INTS6: variants seen among roughly 807,000 people sequenced by gnomAD.
INTS6 encodes integrator complex subunit 6, also known as DEAD box protein.
In INTS6, 16 loss-of-function variants were observed where a neutral mutation model predicts 104.9. The observed-to-expected ratio is 0.15, with a 90% CI of 0.10 to 0.23. INTS6 has a LOEUF of 0.23. Ranked by LOEUF, INTS6 falls within the 10% of genes least tolerant of loss-of-function variation. INTS6 has a pLI of 1.00. For synonymous variants in INTS6, 324 were observed against 358.7 expected (o/e 0.90, Z 1.09); for missense variants, 584 against 1,062.8 (o/e 0.55, Z 6.26).
chr13:51,345,562 T>TG, the INTS6 span, among the ~76,000 whole-genome samples: 1,629 of 121,602 alleles, frequency 0.013, 23 homozygotes, highest in East Asian at 0.086. Flanking sequence ...GTCACTGCAC[T>TG]CCAGCTTGGG....
chr13:51,335,686 G>C, the INTS6 span: 1 of 152,164 alleles, frequency 6.6e-6, no homozygotes, highest in Non-Finnish European at 1.5e-5. Flanking sequence ...AGTTAAAGGC[G>C]ACCTGGATGT....
chr13:51,433,168 G>T (rs1307920267), intron 3 of INTS6, among the ~76,000 whole-genome samples: 3 of 152,316 alleles, frequency 2.0e-5, no homozygotes, highest in Admixed American at 2.0e-4. Flanking sequence ...ATCAGGCTGG[G>T]AGTGGTGGCT....
chr13:51,375,742 T>G (rs761473982), intron 13 of INTS6, among the ~76,000 whole-genome samples: 20 of 146,922 alleles, frequency 1.4e-4, no homozygotes, highest in Non-Finnish European at 2.8e-4. Context: ...TGGGTGTGTG[T>G]GTGTGTGTGT....
rs1955618894 is a variant in INTS6 at position 51,363,288 on chromosome 13, A to C, written c.*2464T>G. 2 of 151,966 alleles carry C rather than the reference A, an allele frequency of 1.3e-5. No individual in the cohort carries two copies. The highest frequency in any genetic ancestry group is 1.3e-4 in the Admixed American group (2 of 15,232). The allele number at this position is 151,966 out of a possible 1,614,324, so 9.4% of individuals were successfully genotyped here. On this transcript the variant is annotated 3_prime_UTR_variant, in exon 18 of 18. Coordinates refer to ENST00000311234, the MANE Select transcript of INTS6 (RefSeq NM_012141.3). ...CAGAATGAAAATATAAGGATAATCC[A>C]AAACCAGTTCCACAATCCACTGGAA...
chr13:51,384,362 C>T, intron 7 of INTS6: 2 of 238,382 alleles, frequency 8.4e-6, no homozygotes. Flanking sequence ...GCATGTTACT[C>T]CCCAATCTAC....
chr13:51,412,883 T>C (rs549934582), intron 4 of INTS6, among the ~76,000 whole-genome samples: 258 of 152,300 alleles, frequency 1.7e-3, no homozygotes, highest in Admixed American at 2.4e-3. Context: ...GTAATTAAAG[T>C]TATTGACTTG....
chr13:51,392,001 T>C (rs1460836326), intron 5 of INTS6, among the ~76,000 whole-genome samples: 2 of 152,172 alleles, frequency 1.3e-5, no homozygotes, highest in East Asian at 3.8e-4. Context: ...AACTGAATCA[T>C]CTGGGAACCA....
rs1953084209 is a variant in INTS6, at chr13:51,452,507, G to C, written c.19C>G (p.Leu7Val). 4 of 1,611,414 alleles carry C rather than the reference G, an allele frequency of 2.5e-6. No homozygotes were observed. Among genetic ancestry groups the C allele is most frequent in the Non-Finnish European group, 3.4e-6 (4 of 1,178,434 alleles). The change falls in exon 1 of 18, where the codon CTG (leucine) becomes GTG (valine). Residue 7 changes from leucine (L) to valine (V), a missense_variant. By Grantham distance (32) the Leu-to-Val change is conservative (BLOSUM62 1). Around this residue, in one of 5 missense-constraint regions of INTS6, gnomAD observed 70 missense variants for 190.3 expected, o/e 0.37. Coordinates refer to ENST00000311234, the MANE Select transcript of INTS6 (RefSeq NM_012141.3). The surrounding 1 kb of genome is among the most constrained non-coding windows in gnomAD (Gnocchi z 4.2). MPILLF[L>V]IDTSASMNQR... ...TTCATAGAGGCAGACGTGTCTATCA[G>C]GAACAGTAAGATGGGCATAGTGCTG...
At position 51,365,940 on chromosome 13, in the gene INTS6, G is replaced by C. The variant is rs187859154; in HGVS notation, c.2571-95C>G. On this transcript the variant is annotated intron_variant, in intron 17 of 17. Coordinates refer to ENST00000311234, the MANE Select transcript of INTS6 (RefSeq NM_012141.3). ...AAGAAAGGAGAGAAAATTTTGGGAA[G>C]ATTTTTCAAAGTGAAATGAAAATAG... The C allele has an allele frequency of 6.0e-5, 37 of 615,426 alleles. No individual in the cohort carries two copies. In the Admixed American group the frequency reaches 8.4e-4, roughly 14 times the overall value. 38.1% of individuals were successfully genotyped at this position (615,426 alleles called of 1,614,324 possible).
intron 15 of INTS6, among the ~76,000 whole-genome samples, chr13:51,370,020 T>C (rs894205719): frequency 3.9e-5 from 6 of 152,180 alleles, no homozygotes; most frequent in Non-Finnish European, 7.3e-5. Flanking sequence ...GGATCCCAGC[T>C]GAATTCATCT....
chr13:51,451,344 G>C (rs1399472108), intron 2 of INTS6, 170 bp from the exon 3 acceptor site: 2 of 428,224 alleles, frequency 4.7e-6, no homozygotes, highest in Non-Finnish European at 8.0e-6. Context: ...AGGTGGCCCA[G>C]GAATAACCCA....
intron 3 of INTS6, chr13:51,442,488 G>T (rs1952816834): frequency 6.6e-6 from 1 of 152,118 alleles, no homozygotes; most frequent in South Asian, 2.1e-4. Context: ...AAGGGTTCTG[G>T]GTTCTCAGTA....
chr13:51,407,087 A>T (rs1956583683), intron 4 of INTS6, among the ~76,000 whole-genome samples: 1 of 152,038 alleles, frequency 6.6e-6, no homozygotes, highest in African/African-American at 2.4e-5. Flanking sequence ...GAGGAAAAAA[A>T]AAAAAGCCTT....
the INTS6 span, chr13:51,347,333 G>A: frequency 1.9e-5 from 20 of 1,035,178 alleles, no homozygotes; most frequent in African/African-American, 4.8e-5. Context: ...GGATCGGGAT[G>A]TGTTTCCGCA....
chr13:51,365,369 C>T lies in INTS6; in HGVS notation c.*383G>A, dbSNP rs1285150896. 1 of 152,808 alleles carries T rather than the reference C, an allele frequency of 6.5e-6. No individual in the cohort carries two copies. Among genetic ancestry groups the T allele is most frequent in the East Asian group, 1.9e-4 (1 of 5,166 alleles). The allele number at this position is 152,808 out of a possible 1,614,324, so 9.5% of individuals were successfully genotyped here. A position where few individuals can be genotyped will look rare whatever the true frequency, so the allele number is the denominator to read the frequency against. On this transcript the variant is annotated 3_prime_UTR_variant, in exon 18 of 18. Coordinates refer to ENST00000311234, the MANE Select transcript of INTS6 (RefSeq NM_012141.3). Reference sequence around the variant, plus strand: ...TAGTTTTAATGTATGTGCTTTTTTCCCCAAAAATTACAAAGTAACTTCTTT... The same window carrying T: ...TAGTTTTAATGTATGTGCTTTTTTCTCCAAAAATTACAAAGTAACTTCTTT...
chr13:51,421,883 G>C (rs1051155997), intron 4 of INTS6, among the ~76,000 whole-genome samples: 1 of 151,966 alleles, frequency 6.6e-6, no homozygotes, highest in Admixed American at 6.6e-5. Flanking sequence ...TCTTAACCTA[G>C]CATTCTGTAG....
the INTS6 span, chr13:51,346,959 C>T: frequency 2.5e-5 from 30 of 1,223,158 alleles, no homozygotes; most frequent in Non-Finnish European, 3.4e-5. Flanking sequence ...TGTCCGCACA[C>T]ACACTGGGTT....
At chr13:51,443,052 C>A (rs1952827135) in intron 3 of INTS6, 13 of 152,188 alleles carry the variant, frequency 8.5e-5, no homozygotes, top group Admixed American at 7.9e-4. Context: ...CAGAACTATA[C>A]ACAAAACTGA....
intron 15 of INTS6, among the ~76,000 whole-genome samples, chr13:51,370,950 C>G (rs767567216): frequency 2.0e-5 from 3 of 152,158 alleles, no homozygotes; most frequent in Non-Finnish European, 4.4e-5. Flanking sequence ...CAAGCAGGGT[C>G]ATTCTCAAGG....
Sources: allele counts gnomAD v4.1 joint callset (sites outside exome capture counted in the v4.1 genomes callset), GRCh38; gene constraint gnomAD v4.1.1; regional missense constraint gnomAD v4.1.1; non-coding constraint Gnocchi (gnomAD v3.1); transcripts MANE v1.5; gene names NCBI Gene and HGNC (gene_info 2026-07-23, HGNC 2026-07-21).